Variants in KIAA0586 observed in about 807,000 individuals in gnomAD.
KIAA0586 encodes protein TALPID3.
Under a neutral mutation model 169.8 loss-of-function variants are expected in KIAA0586, and 144 were observed. The ratio of observed to expected loss-of-function variants is 0.85; its 90% confidence interval spans 0.74 to 0.97. The LOEUF is 0.97. Among genes scored for constraint, KIAA0586 ranks in the 50% least tolerant of loss-of-function variants. The pLI is 0.00. For synonymous variants in KIAA0586, 625 were observed against 612.4 expected (o/e 1.02, Z -0.30); for missense variants, 1,854 against 1,823.0 (o/e 1.02, Z -0.31).
At chr14:58,449,422 T>G (rs1459407223) in intron 7 of KIAA0586, among the ~76,000 whole-genome samples, 8 of 152,108 alleles carry the variant, frequency 5.3e-5, no homozygotes, top group Non-Finnish European at 1.0e-4. Flanking sequence ...CCAGTTACTT[T>G]GGAGGCTGAG....
rs79529590 is a variant in KIAA0586 at position 58,537,088 on chromosome 14, C to T, written c.4430-2983C>T. The stretch of plus-strand genomic sequence containing the variant: ...AAGTTGTGTTGACCTAGTTGTAGGC[C>T]GTGTTTGCTGTTTTAATCATCAACT... On this transcript the variant is annotated intron_variant, in intron 29 of 30. Transcript: ENST00000652326. 2.6e-4 allele frequency: 318 copies of T among 1,230,910 alleles called. No individual in the cohort carries two copies. In the African/African-American group the frequency reaches 4.3e-3, roughly 16 times the overall value. The allele number at this position is 1,230,910 out of a possible 1,614,324, so 76.2% of individuals were successfully genotyped here.
intron 25 of KIAA0586, among the ~76,000 whole-genome samples, chr14:58,491,312 G>T (rs1032884155): frequency 1.3e-5 from 2 of 152,064 alleles, no homozygotes; most frequent in Non-Finnish European, 2.9e-5. Flanking sequence ...AATCACATAT[G>T]CTACAAATTC....
chr14:58,458,644 A>G (rs559963768), intron 12 of KIAA0586, 99 bp downstream of exon 12: 5 of 622,154 alleles, frequency 8.0e-6, no homozygotes, highest in East Asian at 3.2e-5. Context: ...TATTTCTTAT[A>G]TAAAAATCCA....
In KIAA0586 at chr14:58,478,914, A is replaced by G. The variant is rs143846190; in HGVS notation, c.2944+1673A>G. ...TCATGCTATTGCATGTAGTAATAGT[A>G]TAATGTATAGATATACCATAATTTG... On this transcript the variant is annotated intron_variant, in intron 20 of 30. Coordinates refer to ENST00000652326, the MANE Select transcript of KIAA0586 (RefSeq NM_001329943.3). 4.7e-4 allele frequency among the ~76,000 whole-genome samples: 72 copies of G among 152,362 alleles called. No homozygotes were observed. In the East Asian group the frequency reaches 0.011, roughly 23 times the overall value.
chr14:58,443,844 C>G, intron 5 of KIAA0586, 110 bp from the exon 6 acceptor site: 1 of 683,038 alleles, frequency 1.5e-6, no homozygotes, highest in Non-Finnish European at 2.5e-6. Flanking sequence ...GGTAAAGGCT[C>G]AAATTAGATC....
intron 29 of KIAA0586, among the ~76,000 whole-genome samples, chr14:58,518,652 A>G (rs1463105069): frequency 6.6e-6 from 1 of 152,204 alleles, no homozygotes; most frequent in Non-Finnish European, 1.5e-5. Flanking sequence ...GCCTTTTTGC[A>G]TTATCTTCTT....
intron 9 of KIAA0586, among the ~76,000 whole-genome samples, chr14:58,455,028 C>A (rs908492866): frequency 2.0e-5 from 3 of 152,062 alleles, no homozygotes; most frequent in African/African-American, 7.2e-5. Flanking sequence ...TTTTCTTTCC[C>A]CAATTATCCT....
chr14:58,553,644 G>T (rs1566974120), downstream of KIAA0586, among the ~76,000 whole-genome samples: 1 of 151,954 alleles, frequency 6.6e-6, no homozygotes, highest in Non-Finnish European at 1.5e-5. Flanking sequence ...GCTTCTGGAG[G>T]CTTGTTGGTT....
intron 19 of KIAA0586, among the ~76,000 whole-genome samples, chr14:58,476,871 A>G (rs929034425): frequency 6.6e-6 from 1 of 151,906 alleles, no homozygotes; most frequent in Non-Finnish European, 1.5e-5. Flanking sequence ...GTTTGCCAGA[A>G]TGGTCTTGAA....
chr14:58,464,044 A>T, intron 14 of KIAA0586: 1 of 442,104 alleles, frequency 2.3e-6, no homozygotes, highest in Non-Finnish European at 4.6e-6. Flanking sequence ...GATAATTGGG[A>T]GAATTGATGA....
At chr14:58,557,889 A>T in the KIAA0586 span, among the ~76,000 whole-genome samples, 1 of 114,672 alleles carries the variant, frequency 8.7e-6, no homozygotes, top group Admixed American at 8.5e-5. Flanking sequence ...TGTAAGGGCA[A>T]TCCTGAGAAA....
chr14:58,527,591 A>G (rs943583216), intron 29 of KIAA0586, among the ~76,000 whole-genome samples: 3 of 152,218 alleles, frequency 2.0e-5, no homozygotes, highest in Non-Finnish European at 4.4e-5. Context: ...CCAGAATTTT[A>G]TATACAGCCA....
chr14:58,445,462 C>CT lies in KIAA0586; in HGVS notation c.807+1288dup, dbSNP rs1299234005. ...CTTTTTTTTTTTTTTGAGACGGAGT[C>CT]TAACTCTGTTGCCCAGGCTGGAGTG... is the stretch of plus-strand genomic sequence containing the variant. On this transcript the variant is annotated intron_variant, in intron 6 of 30. Transcript: ENST00000652326. Among the ~76,000 whole-genome samples the CT allele has an allele frequency of 5.5e-5, 8 of 146,186 alleles. No individual in the cohort carries two copies. The East Asian group carries it at 1.4e-3, about 26-fold the overall frequency.
At chr14:58,492,877 T>C (rs927803693) in intron 26 of KIAA0586, among the ~76,000 whole-genome samples, 1 of 152,190 alleles carries the variant, frequency 6.6e-6, no homozygotes, top group Admixed American at 6.6e-5. Context: ...AAAGCATATT[T>C]GGAAAGTATT....
rs1445670910 is a variant in KIAA0586, at chr14:58,521,981, A to G, written c.4429+9354A>G. On this transcript the variant is annotated intron_variant, in intron 29 of 30. Coordinates refer to ENST00000652326, the MANE Select transcript of KIAA0586 (RefSeq NM_001329943.3). ...GACAGAGACAGCACCAATGGCGAAG[A>G]TAACTCTTAAGCACATAGTGGGGTT... 1.1e-5 allele frequency: 15 copies of G among 1,325,044 alleles called. 1 individual carries two copies. Among genetic ancestry groups the G allele is most frequent in the Non-Finnish European group, 1.6e-5 (15 of 920,734 alleles). 82.1% of individuals were successfully genotyped at this position (1,325,044 alleles called of 1,614,324 possible).
chr14:58,521,448 T>C, intron 29 of KIAA0586: 1 of 767,220 alleles, frequency 1.3e-6, no homozygotes, highest in Non-Finnish European at 2.4e-6. Context: ...GCTCCTCTTT[T>C]GACTTGGACC....
intron 29 of KIAA0586, among the ~76,000 whole-genome samples, chr14:58,534,402 A>T (rs2046161256): frequency 6.6e-6 from 1 of 152,238 alleles, no homozygotes; most frequent in African/African-American, 2.4e-5. Flanking sequence ...CTTAATAGAC[A>T]TAAACTGAAA....
At chr14:58,509,857 T>C (rs1327942168) in intron 28 of KIAA0586, among the ~76,000 whole-genome samples, 1 of 144,528 alleles carries the variant, frequency 6.9e-6, no homozygotes, top group Admixed American at 6.8e-5. Context: ...AATAAGAACT[T>C]CTGTTCTTCA....
At chr14:58,489,369 G>A (rs1272919497) in intron 24 of KIAA0586, among the ~76,000 whole-genome samples, 2 of 151,738 alleles carry the variant, frequency 1.3e-5, no homozygotes, top group Non-Finnish European at 2.9e-5. Context: ...ACAGGCATGT[G>A]CCACCACGCC....
Sources: allele counts gnomAD v4.1 joint callset (sites outside exome capture counted in the v4.1 genomes callset), GRCh38; gene constraint gnomAD v4.1.1; transcripts MANE v1.5; gene names NCBI Gene and HGNC (gene_info 2026-07-23, HGNC 2026-07-21).